The following PM20D1 variants were observed in gnomAD, a reference collection of about 807,000 sequenced individuals.
PM20D1 encodes peptidase M20 domain containing 1.
In PM20D1, 53 loss-of-function variants were observed where a neutral mutation model predicts 53.8. The observed-to-expected ratio is 0.98, with a 90% confidence interval of 0.79 to 1.24. PM20D1 has a LOEUF of 1.24. PM20D1 is among the 50% of genes most tolerant of loss of function. PM20D1 has a pLI of 0.00. For synonymous variants in PM20D1, 239 were observed against 241.3 expected (o/e 0.99, Z 0.09); for missense variants, 564 against 616.8 (o/e 0.91, Z 0.91).
chr1:205,838,516 T>A (rs1299109058), intron 10 of PM20D1, among the ~76,000 whole-genome samples: 1 of 152,200 alleles, frequency 6.6e-6, no homozygotes, highest in Admixed American at 6.5e-5. Context: ...CATTCATTTT[T>A]AAACTGATGT....
intron 9 of PM20D1, among the ~76,000 whole-genome samples, chr1:205,841,432 T>C (rs1368345175): frequency 1.3e-5 from 2 of 152,088 alleles, no homozygotes. Flanking sequence ...CCTGGGGAGA[T>C]GAAAACACCA....
intron 11 of PM20D1, among the ~76,000 whole-genome samples, chr1:205,831,595 G>GA (rs1656563404): frequency 7.5e-6 from 1 of 133,400 alleles, no homozygotes; most frequent in Non-Finnish European, 1.6e-5. Flanking sequence ...ACAGAGTCTT[G>GA]CTCTGTCACC....
intron 9 of PM20D1, among the ~76,000 whole-genome samples, chr1:205,841,025 C>G (rs1257939819): frequency 6.6e-6 from 1 of 152,182 alleles, no homozygotes; most frequent in Non-Finnish European, 1.5e-5. Flanking sequence ...GGAGCTGGTT[C>G]CCTCTTATCC....
chr1:205,842,732 G>A lies in PM20D1; in HGVS notation c.847C>T (p.Pro283Ser). 11 of 1,614,044 alleles carry A rather than the reference G, an allele frequency of 6.8e-6. No individual in the cohort carries two copies. Among genetic ancestry groups the A allele is most frequent in the Non-Finnish European group, 7.6e-6 (9 of 1,180,010 alleles). ...ACTGTCCCGCTTCCAAATATGATAG[G>A]CATTGGTGTCTGCTCCAATCTGGAA... ...AVSRLEQTPM[P>S]IIFGSGTVVT... Residue 283 changes from proline (P) to serine (S), a missense_variant, in exon 7 of 13, where the codon CCT becomes TCT. By Grantham distance (74) the Pro-to-Ser change is moderately conservative. Coordinates refer to ENST00000367136, the MANE Select transcript of PM20D1 (RefSeq NM_152491.5).
At chr1:205,830,132 G>A (rs1323422256) in intron 12 of PM20D1, 148 bp downstream of exon 12, 3 of 602,930 alleles carry the variant, frequency 5.0e-6, no homozygotes, top group Non-Finnish European at 6.0e-6. Context: ...GACAGTAGAT[G>A]GGTTAGGTTC....
At chr1:205,838,276 G>A (rs1045125444) in intron 10 of PM20D1, among the ~76,000 whole-genome samples, 5 of 152,108 alleles carry the variant, frequency 3.3e-5, no homozygotes, top group African/African-American at 1.2e-4. Context: ...GAAGCATTGG[G>A]TTTACCTTTT....
intron 9 of PM20D1, among the ~76,000 whole-genome samples, chr1:205,841,208 CT>C (rs1656797709): frequency 6.6e-6 from 1 of 152,128 alleles, no homozygotes; most frequent in Non-Finnish European, 1.5e-5. Flanking sequence ...AAGAGTTAGG[CT>C]ATGGAGGGAT....
chr1:205,835,684 T>C (rs932498466), intron 10 of PM20D1, among the ~76,000 whole-genome samples: 1 of 141,220 alleles, frequency 7.1e-6, no homozygotes, highest in Admixed American at 7.3e-5. Context: ...AAAGGTGTAA[T>C]GTGCGTAGGG....
chr1:205,830,249 C>T (rs768571950), intron 12 of PM20D1, 31 bp downstream of exon 12: 1 of 1,476,156 alleles, frequency 6.8e-7, no homozygotes, highest in Admixed American at 1.7e-5. Context: ...TTTCTTTTCT[C>T]CCACCTGCTG....
At chr1:205,845,076 T>A (rs1332446479) in intron 3 of PM20D1, among the ~76,000 whole-genome samples, 179 bp from the exon 4 acceptor site, 1 of 152,152 alleles carries the variant, frequency 6.6e-6, no homozygotes, top group Non-Finnish European at 1.5e-5. Context: ...ACAGAACGTT[T>A]ACCACCTGGA....
chr1:205,835,114 T>C (rs1229257129), intron 10 of PM20D1, among the ~76,000 whole-genome samples: 1 of 152,050 alleles, frequency 6.6e-6, no homozygotes, highest in Non-Finnish European at 1.5e-5. Context: ...CAGTTAGAGG[T>C]GGTGTGGAGT....
intron 10 of PM20D1, among the ~76,000 whole-genome samples, chr1:205,835,739 T>G (rs778782542): frequency 1.3e-5 from 2 of 151,808 alleles, no homozygotes; most frequent in Non-Finnish European, 2.9e-5. Context: ...CTAGCTGTTA[T>G]TTGCTTATTT....
In PM20D1 at chr1:205,830,381, TAG is replaced by T; in HGVS notation, c.1286-4_1286-3del. 1.3e-6 allele frequency: 2 copies of T among 1,593,284 alleles called. No homozygotes were observed. Among genetic ancestry groups the T allele is most frequent in the Non-Finnish European group, 1.7e-6 (2 of 1,161,158 alleles). ...TGTCTGTGTTGCCAATAGAAGTAAC[TAG>T]AGAGGGAAGATCAACAGGAAAGGGG... On this transcript the variant is annotated splice_polypyrimidine_tract_variant and splice_region_variant and intron_variant, in intron 11 of 12. Coordinates refer to ENST00000367136, the MANE Select transcript of PM20D1 (RefSeq NM_152491.5).
intron 12 of PM20D1, 56 bp downstream of exon 12, chr1:205,830,224 G>C: frequency 7.6e-7 from 1 of 1,313,876 alleles, no homozygotes; most frequent in Non-Finnish European, 1.1e-6. Flanking sequence ...GTAGGAAAAG[G>C]ACACATCAAG....
At chr1:205,837,803 C>G (rs1172048494) in intron 10 of PM20D1, among the ~76,000 whole-genome samples, 1 of 151,940 alleles carries the variant, frequency 6.6e-6, no homozygotes, top group Non-Finnish European at 1.5e-5. Context: ...AGATGAAAGC[C>G]CCAGCTGGGT....
At position 205,830,368 on chromosome 1, in the gene PM20D1, C is replaced by T. The variant is rs763184588; in HGVS notation, c.1297G>A (p.Gly433Ser). The T allele has an allele frequency of 3.7e-6, 6 of 1,607,448 alleles. No individual in the cohort carries two copies. The Admixed American group carries it at 1.0e-4, about 27-fold the overall frequency. Residue 433 changes from glycine (G) to serine (S), a missense_variant, in exon 12 of 13, where the codon GGC (glycine) becomes AGC (serine). Gly to Ser is a moderately conservative substitution (Grantham distance 56). Transcript: ENST00000367136. ...VNITAPVTSIGNTDSRFFTNL... is the reference protein window; with the variant it reads ...VNITAPVTSISNTDSRFFTNL... ...GTAAAGAATCGGCTGTCTGTGTTGC[C>T]AATAGAAGTAACTAGAGAGGGAAGA...
chr1:205,845,677 G>A, intron 2 of PM20D1, 120 bp from the exon 3 acceptor site: 1 of 799,434 alleles, frequency 1.3e-6, no homozygotes, highest in Non-Finnish European at 1.9e-6. Context: ...TCCTCCTTTA[G>A]GAAGCCTTCT....
intron 1 of PM20D1, among the ~76,000 whole-genome samples, chr1:205,849,106 C>G (rs186301369): frequency 6.6e-6 from 1 of 152,286 alleles, no homozygotes; most frequent in African/African-American, 2.4e-5. Flanking sequence ...AGCTTTTGGT[C>G]CCTGCATCTG....
At chr1:205,849,849 G>GGGGA in intron 1 of PM20D1, 55 bp downstream of exon 1, 1 of 1,545,616 alleles carries the variant, frequency 6.5e-7, no homozygotes, top group African/African-American at 1.4e-5. Context: ...GGGTTGACCT[G>GGGGA]GGGAGGGAGG....
Sources: gnomAD v4.1 joint callset for allele counts (sites outside exome capture counted in the v4.1 genomes callset) on GRCh38, gnomAD v4.1.1 for gene constraint, MANE v1.5 for transcripts, NCBI Gene and HGNC (gene_info 2026-07-23, HGNC 2026-07-21) for gene names.